The following DSCAM variants were observed in gnomAD, a reference collection of about 807,000 sequenced individuals.
The protein encoded by DSCAM is cell adhesion molecule DSCAM.
Under a neutral mutation model 217.7 loss-of-function variants are expected in DSCAM, and 47 were observed. That is an observed-to-expected ratio of 0.22 (90% CI 0.17 to 0.28). The LOEUF is 0.28. Among genes scored for constraint, DSCAM ranks in the 10% least tolerant of loss-of-function variants. DSCAM has a pLI of 1.00. For synonymous variants in DSCAM, 1,056 were observed against 1,015.3 expected, an observed-to-expected ratio of 1.04 and a Z score of -0.76; for missense variants, 2,080 against 2,618.3, an observed-to-expected ratio of 0.79 and a Z score of 4.49.
intron 11 of DSCAM, among the ~76,000 whole-genome samples, chr21:40,214,747 A>C (rs1254699384): frequency 3.3e-5 from 5 of 150,122 alleles, no homozygotes; most frequent in South Asian, 4.2e-4. Flanking sequence ...AAAAAAAAAA[A>C]AAAAACAAAA....
intron 3 of DSCAM, among the ~76,000 whole-genome samples, chr21:40,436,914 T>A (rs1188259921): frequency 6.6e-6 from 1 of 152,170 alleles, no homozygotes; most frequent in Non-Finnish European, 1.5e-5. Flanking sequence ...AATAAGTTAT[T>A]GTAAATTTTG....
intron 3 of DSCAM, among the ~76,000 whole-genome samples, chr21:40,487,338 A>G (rs1416783423): frequency 7.3e-6 from 1 of 136,780 alleles, no homozygotes; most frequent in Non-Finnish European, 1.6e-5. Context: ...AGAGAGAGAG[A>G]GAGAGAGAGA....
At chr21:40,451,151 C>T (rs897388087) in intron 3 of DSCAM, among the ~76,000 whole-genome samples, 6 of 152,168 alleles carry the variant, frequency 3.9e-5, no homozygotes, top group African/African-American at 1.4e-4. Context: ...AGGCTCTGCC[C>T]CACTGGAATT....
At chr21:40,705,410 G>GTT (rs75764489) in intron 2 of DSCAM, among the ~76,000 whole-genome samples, 18 of 151,722 alleles carry the variant, frequency 1.2e-4, no homozygotes, top group South Asian at 6.3e-4. Context: ...ATTTTTCGTT[G>GTT]TTTTTTTTCA....
chr21:40,794,975 G>T (rs1021517422), intron 1 of DSCAM, among the ~76,000 whole-genome samples: 1 of 147,162 alleles, frequency 6.8e-6, no homozygotes, highest in African/African-American at 2.5e-5. Flanking sequence ...GTATCCCTTG[G>T]TCTATACTCC....
chr21:40,142,408 A>C, intron 18 of DSCAM, 150 bp downstream of exon 18: 1 of 843,766 alleles, frequency 1.2e-6, no homozygotes, highest in Non-Finnish European at 1.8e-6. Flanking sequence ...TTCAAATGTC[A>C]GATGAGGGAT....
intron 3 of DSCAM, among the ~76,000 whole-genome samples, chr21:40,617,267 G>A (rs1182664795): frequency 6.6e-6 from 1 of 150,968 alleles, no homozygotes; most frequent in African/African-American, 2.4e-5. Flanking sequence ...GGGACTACAG[G>A]CGCCCGCCAC....
chr21:40,574,086 AT>A (rs34505114), intron 3 of DSCAM, among the ~76,000 whole-genome samples: 33,937 of 150,674 alleles, frequency 0.23, 3,875 homozygotes, highest in East Asian at 0.27. Context: ...ATCCTTCACA[AT>A]TTTTTTTTTA....
chr21:40,047,549 A>T (rs1209783891), intron 30 of DSCAM, among the ~76,000 whole-genome samples: 1 of 152,240 alleles, frequency 6.6e-6, no homozygotes, highest in East Asian at 1.9e-4. Flanking sequence ...TATTTTAATT[A>T]TCCTGAGTTT....
chr21:40,214,951 T>C lies in DSCAM; in HGVS notation c.2357-25713A>G, dbSNP rs1258970851. Among the ~76,000 whole-genome samples, 2 of 103,232 alleles carry C rather than the reference T, an allele frequency of 1.9e-5. 1 individual carries two copies. Among genetic ancestry groups the C allele is most frequent in the Non-Finnish European group, 4.4e-5 (2 of 45,628 alleles). 67.7% of individuals were successfully genotyped at this position (103,232 alleles called of 152,430 possible). On this transcript the variant is annotated intron_variant, in intron 11 of 32. Transcript: ENST00000400454. ...AATTCACAACTGTAAAGATATGGAA[T>C]CCTCACGCCTGTAATCCCAGCACTT...
Position 40,055,902 on chromosome 21 carries a change from T to A in DSCAM, c.4920-62A>T. 5 of 1,237,880 alleles carry A rather than the reference T, an allele frequency of 4.0e-6. No individual in the cohort carries two copies. In the Middle Eastern group the frequency reaches 5.7e-4, roughly 141 times the overall value. 76.7% of individuals were successfully genotyped at this position (1,237,880 alleles called of 1,614,324 possible). On this transcript the variant is annotated intron_variant, in intron 28 of 32. Transcript: ENST00000400454. ...GTTCAGTGTTAACATTCTACCAACA[T>A]GCACCTGTATACCAACTTAGTTTAT...
intron 3 of DSCAM, among the ~76,000 whole-genome samples, chr21:40,458,770 C>T (rs751337686): frequency 2.0e-5 from 3 of 151,980 alleles, no homozygotes; most frequent in Admixed American, 1.3e-4. Context: ...TATTCCTTCC[C>T]GGCAATCAAG....
chr21:40,536,124 G>A (rs1284933302), intron 3 of DSCAM, among the ~76,000 whole-genome samples: 1 of 152,178 alleles, frequency 6.6e-6, no homozygotes, highest in Non-Finnish European at 1.5e-5. Context: ...GCCAGCAAAT[G>A]TGCGAAAAAC....
chr21:40,064,012 C>A (rs1055947441), intron 27 of DSCAM, among the ~76,000 whole-genome samples: 1 of 151,948 alleles, frequency 6.6e-6, no homozygotes, highest in African/African-American at 2.4e-5. Context: ...GAAAAGAAAT[C>A]AAAATAGGAT....
chr21:40,738,759 G>A (rs1460087412), intron 1 of DSCAM, among the ~76,000 whole-genome samples: 1 of 152,176 alleles, frequency 6.6e-6, no homozygotes, highest in Non-Finnish European at 1.5e-5. Context: ...GCCAGTCAGG[G>A]GACCACACTT....
intron 1 of DSCAM, among the ~76,000 whole-genome samples, chr21:40,784,303 A>G (rs1485174687): frequency 1.3e-5 from 2 of 152,066 alleles, no homozygotes; most frequent in African/African-American, 4.8e-5. Context: ...TGGTTTTATA[A>G]GGGGTTACCC....
chr21:40,832,862 T>C (rs532071215), intron 1 of DSCAM, among the ~76,000 whole-genome samples: 39 of 152,278 alleles, frequency 2.6e-4, no homozygotes, highest in African/African-American at 8.9e-4. Flanking sequence ...CTCACATTCT[T>C]TCCTATGCAG....
intron 11 of DSCAM, among the ~76,000 whole-genome samples, chr21:40,211,905 G>C (rs2091188425): frequency 6.6e-6 from 1 of 151,812 alleles, no homozygotes; most frequent in African/African-American, 2.4e-5. Context: ...GCAAATAGTA[G>C]CTGCTACACA....
intron 3 of DSCAM, among the ~76,000 whole-genome samples, chr21:40,527,136 A>G (rs1386630493): frequency 6.6e-6 from 1 of 152,152 alleles, no homozygotes; most frequent in Non-Finnish European, 1.5e-5. Flanking sequence ...TAGTGTCCCT[A>G]TATGGACATA....
Sources: gnomAD v4.1 joint callset for allele counts (sites outside exome capture counted in the v4.1 genomes callset) on GRCh38, gnomAD v4.1.1 for gene constraint, MANE v1.5 for transcripts, NCBI Gene and HGNC (gene_info 2026-07-23, HGNC 2026-07-21) for gene names.